VSIG10L2: variants seen among roughly 807,000 people sequenced by gnomAD.
VSIG10L2 encodes the protein V-set and immunoglobulin domain containing 10 like 2.
In VSIG10L2, 56 loss-of-function variants were observed where a neutral mutation model predicts 67.1. That is an observed-to-expected ratio of 0.83 (90% CI 0.67 to 1.04). The LOEUF (loss-of-function observed/expected upper bound fraction) is 1.04, where lower values mean the gene tolerates loss of function less well. Ranked by LOEUF, VSIG10L2 falls within the 50% of genes least tolerant of loss-of-function variation. The probability of loss-of-function intolerance (pLI) is 0.00; values close to 1 mark genes in which losing one functional copy is unlikely to be tolerated. For synonymous variants in VSIG10L2, 360 were observed against 396.6 expected, an observed-to-expected ratio of 0.91 and a Z score of 1.10; for missense variants, 843 against 932.8, an observed-to-expected ratio of 0.90 and a Z score of 1.25.
intron 2 of VSIG10L2, 65 bp downstream of exon 2, chr11:125,948,101 GCC>G: frequency 8.1e-7 from 1 of 1,232,258 alleles, no homozygotes; most frequent in Non-Finnish European, 1.0e-6. Flanking sequence ...GAAGTGTGCT[GCC>G]CATTCCCTTT....
chr11:125,954,024 G>C, intron 7 of VSIG10L2, 63 bp from the exon 8 acceptor site: 1 of 1,214,544 alleles, frequency 8.2e-7, no homozygotes, highest in Non-Finnish European at 1.0e-6. Context: ...AGCAAATCTG[G>C]GGGCACAAGG....
Position 125,948,518 on chromosome 11 carries a change from T to G in VSIG10L2, c.647T>G (p.Met216Arg). 8.1e-7 allele frequency: 1 copy of G among 1,232,156 alleles called. No individual in the cohort carries two copies. The highest frequency in any genetic ancestry group is 1.0e-6 in the Non-Finnish European group (1 of 987,972). 76.3% of individuals were successfully genotyped at this position (1,232,156 alleles called of 1,614,324 possible). Residue 216 changes from methionine (M) to arginine (R), a missense_variant, in exon 3 of 12, where the codon ATG becomes AGG. Around this residue, in one of 2 missense-constraint regions of VSIG10L2, gnomAD observed 446 missense variants for 548.4 expected, o/e 0.81. Coordinates refer to ENST00000686984, the MANE Select transcript of VSIG10L2 (RefSeq NM_001365077.2). Reference sequence around the variant, plus strand: ...AACCGGACACACCTAGGGTGGTACATGTGCAGCGCCAGCAACTCCGTGAAC... The same window carrying G: ...AACCGGACACACCTAGGGTGGTACAGGTGCAGCGCCAGCAACTCCGTGAAC... ...PVNRTHLGWY[M>R]CSASNSVNRL...
Position 125,948,053 on chromosome 11 carries a change from A to G in VSIG10L2, c.433+17A>G. ...CTGTGCTGGGTGAGGGCCTGGCCCC[A>G]GCTGCAGCTGGTCCGCGGGCTGCTT... On this transcript the variant is annotated intron_variant, in intron 2 of 11. Transcript: ENST00000686984. 1 of 1,232,552 alleles carries G rather than the reference A, an allele frequency of 8.1e-7. No individual in the cohort carries two copies. Among genetic ancestry groups the G allele is most frequent in the Non-Finnish European group, 1.0e-6 (1 of 988,314 alleles). The allele number at this position is 1,232,552 out of a possible 1,614,324, so 76.4% of individuals were successfully genotyped here.
Position 125,951,811 on chromosome 11 carries a change from A to T in VSIG10L2, c.1235-2A>T. 2 of 1,494,646 alleles carry T rather than the reference A, an allele frequency of 1.3e-6. No individual in the cohort carries two copies. The highest frequency in any genetic ancestry group is 2.3e-4 in the Middle Eastern group (1 of 4,368). 92.6% of individuals were successfully genotyped at this position (1,494,646 alleles called of 1,614,324 possible). A position where few individuals can be genotyped will look rare whatever the true frequency, so the allele number is the denominator to read the frequency against. On this transcript the variant is annotated splice_acceptor_variant, in intron 5 of 11. Transcript: ENST00000686984. LOFTEE classifies it high-confidence loss of function. ...GCCATACTGAGCCATCATTCCTTCC[A>T]GGGGAGCCTCTCGGGAGGCCTACCT...
intron 8 of VSIG10L2, among the ~76,000 whole-genome samples, chr11:125,954,841 C>T (rs1052822583): frequency 3.9e-5 from 6 of 152,288 alleles, no homozygotes; most frequent in African/African-American, 1.4e-4. Flanking sequence ...GGGGATTTGG[C>T]AGGAGAGTCA....
In VSIG10L2 at chr11:125,955,077, T is replaced by C; in HGVS notation, c.2104T>C (p.Tyr702His). The change falls in exon 9 of 12, where the codon TAC becomes CAC. Residue 702 changes from tyrosine (Y) to histidine (H), a missense_variant. By Grantham distance (83) the Tyr-to-His change is moderately conservative (BLOSUM62 2). Around this residue, in one of 2 missense-constraint regions of VSIG10L2, gnomAD observed 397 missense variants for 384.4 expected, o/e 1.03. Transcript: ENST00000686984. ...KIPADPPFSA[Y>H]PAVLGAAGTG... ...CCTAGCGGACCCCCCCTTCAGCGCC[T>C]ACCCAGCGGTGTTGGGTGCAGCAGG... 8.1e-7 allele frequency: 1 copy of C among 1,235,534 alleles called. No individual in the cohort carries two copies. Among genetic ancestry groups the C allele is most frequent in the East Asian group, 3.1e-5 (1 of 31,782 alleles). The allele number at this position is 1,235,534 out of a possible 1,614,324, so 76.5% of individuals were successfully genotyped here. A position where few individuals can be genotyped will look rare whatever the true frequency, so the allele number is the denominator to read the frequency against.
Position 125,951,964 on chromosome 11 carries a change from G to A in VSIG10L2, c.1386G>A (p.Ser462=), listed in dbSNP as rs575000685. ...QQQPLGGSSS[S]MAVHLLQAQE... ...AGCCCCTGGGCGGCAGCAGCTCCTC[G>A]ATGGCCGTTCACCTCCTGCAGGCCC... Residue 462 remains serine, a synonymous_variant, in exon 6 of 12, where the codon TCG becomes TCA. Coordinates refer to ENST00000686984, the MANE Select transcript of VSIG10L2 (RefSeq NM_001365077.2). 26 of 1,536,122 alleles carry A rather than the reference G, an allele frequency of 1.7e-5. No individual in the cohort carries two copies. The highest frequency in any genetic ancestry group is 1.7e-4 in the Middle Eastern group (1 of 5,990).
intron 8 of VSIG10L2, among the ~76,000 whole-genome samples, 175 bp downstream of exon 8, chr11:125,954,558 C>T (rs1945425484): frequency 6.6e-6 from 1 of 152,068 alleles, no homozygotes; most frequent in South Asian, 2.1e-4. Context: ...ATCTCCACGA[C>T]TCTTTCCTGT....
At chr11:125,954,489 C>T in intron 8 of VSIG10L2, 106 bp downstream of exon 8, 2 of 987,478 alleles carry the variant, frequency 2.0e-6, no homozygotes, top group Non-Finnish European at 2.6e-6. Flanking sequence ...TTGCTCGCAT[C>T]CTACTGAATT....
At chr11:125,950,788 C>T in intron 4 of VSIG10L2, 122 bp from the exon 5 acceptor site, 1 of 948,304 alleles carries the variant, frequency 1.1e-6, no homozygotes, top group Non-Finnish European at 1.4e-6. Flanking sequence ...TTCCCCTAAC[C>T]CACTTCTCCC....
intron 11 of VSIG10L2, 47 bp downstream of exon 11, chr11:125,955,714 G>C (rs1565479160): frequency 6.9e-7 from 1 of 1,454,358 alleles, no homozygotes; most frequent in Admixed American, 2.0e-5. Context: ...AAGGAGACCA[G>C]TGCTGGGTGC....
At position 125,954,220 on chromosome 11, in the gene VSIG10L2, C is replaced by A; in HGVS notation, c.1920C>A (p.Ala640=). ...TCCTGGTGCAGCGGAAGGCCAGTGCCCTGGGCCCAGGAGCTGGGGCGTGGG... is the reference window on the plus strand; with the variant it reads ...TCCTGGTGCAGCGGAAGGCCAGTGCACTGGGCCCAGGAGCTGGGGCGTGGG... ...TGFLVQRKAS[A]LGPGAGAWET... The change falls in exon 8 of 12, where the codon GCC becomes GCA. Residue 640 remains alanine, a synonymous_variant. Transcript: ENST00000686984. 8.1e-7 allele frequency: 1 copy of A among 1,232,226 alleles called. No homozygotes were observed. The highest frequency in any genetic ancestry group is 1.0e-6 in the Non-Finnish European group (1 of 988,040). The allele number at this position is 1,232,226 out of a possible 1,614,324, so 76.3% of individuals were successfully genotyped here.
chr11:125,950,222 C>T lies in VSIG10L2; in HGVS notation c.918C>T (p.Tyr306=). The T allele has an allele frequency of 1.6e-6, 2 of 1,232,574 alleles. No homozygotes were observed. Among genetic ancestry groups the T allele is most frequent in the African/African-American group, 1.5e-5 (1 of 64,566 alleles). The allele number at this position is 1,232,574 out of a possible 1,614,324, so 76.4% of individuals were successfully genotyped here. A position where few individuals can be genotyped will look rare whatever the true frequency, so the allele number is the denominator to read the frequency against. ...CTGGCCGTGTCCACACAGGCCTGTA[C>T]ACCTGCCTGGCCCGCAACAGCTACC... The part of the protein sequence containing the change: ...ARAGRVHTGL[Y]TCLARNSYLD... Residue 306 remains tyrosine, a synonymous_variant, in exon 4 of 12, where the codon TAC becomes TAT. Transcript: ENST00000686984.
Position 125,947,738 on chromosome 11 carries a change from G to C in VSIG10L2, c.135G>C (p.Gln45His). The C allele has an allele frequency of 8.1e-7, 1 of 1,232,444 alleles. No homozygotes were observed. The highest frequency in any genetic ancestry group is 1.0e-6 in the Non-Finnish European group (1 of 988,222). The allele number at this position is 1,232,444 out of a possible 1,614,324, so 76.3% of individuals were successfully genotyped here. The change falls in exon 2 of 12, where the codon CAG becomes CAC. Residue 45 changes from glutamine (Q) to histidine (H), a missense_variant. This residue lies in a region of VSIG10L2 where 446 missense variants were observed against 548.4 expected (regional missense o/e 0.81). Coordinates refer to ENST00000686984, the MANE Select transcript of VSIG10L2 (RefSeq NM_001365077.2). ...CTGTAGAGGAGGTGGTGTCTGTCCA[G>C]GGAGTGCGAGGTGGCTCCGTGGAGC... ...EAPVEEVVSVQGVRGGSVELA... is the reference protein window; with the variant it reads ...EAPVEEVVSVHGVRGGSVELA...
intron 1 of VSIG10L2, 137 bp from the exon 2 acceptor site, chr11:125,947,549 G>A (rs777603521): frequency 5.7e-6 from 7 of 1,230,672 alleles, no homozygotes; most frequent in Non-Finnish European, 7.1e-6. Context: ...CTCCAGAAGT[G>A]CTTTTATGTG....
At chr11:125,947,119 A>G (rs117762546) in intron 1 of VSIG10L2, among the ~76,000 whole-genome samples, 19 of 152,190 alleles carry the variant, frequency 1.2e-4, no homozygotes, top group African/African-American at 4.6e-4. Flanking sequence ...CGAATGCTGG[A>G]TGGGCTGATG....
intron 6 of VSIG10L2, 92 bp from the exon 7 acceptor site, chr11:125,953,308 C>A (rs900670085): frequency 1.8e-6 from 2 of 1,096,082 alleles, no homozygotes; most frequent in Non-Finnish European, 2.3e-6. Context: ...GCAGCTCTCC[C>A]GCTCCATCTC....
intron 1 of VSIG10L2, 143 bp from the exon 2 acceptor site, chr11:125,947,543 A>G (rs1945313827): frequency 1.6e-6 from 2 of 1,230,708 alleles, no homozygotes; most frequent in South Asian, 8.5e-5. Flanking sequence ...CACCAACTCC[A>G]GAAGTGCTTT....
At chr11:125,949,759 C>T (rs754740219) in intron 3 of VSIG10L2, among the ~76,000 whole-genome samples, 2 of 152,202 alleles carry the variant, frequency 1.3e-5, no homozygotes, top group African/African-American at 2.4e-5. Context: ...TTCTGCCCCA[C>T]CTTGGCCCAA....
Sources: gnomAD v4.1 joint callset for allele counts (sites outside exome capture counted in the v4.1 genomes callset) on GRCh38, gnomAD v4.1.1 for gene constraint, gnomAD v4.1.1 regional missense constraint, MANE v1.5 for transcripts, NCBI Gene and HGNC (gene_info 2026-07-23, HGNC 2026-07-21) for gene names.